FRZB: variants seen among roughly 807,000 people sequenced by gnomAD.
The protein encoded by FRZB is secreted frizzled-related protein 3.
In FRZB, 34 loss-of-function variants were observed where a neutral mutation model predicts 32.5. The ratio of observed to expected loss-of-function variants is 1.05; its 90% CI spans 0.80 to 1.39. FRZB has a LOEUF of 1.39. Ranked by LOEUF, FRZB falls within the 40% of genes most tolerant of loss-of-function variation. The probability of loss-of-function intolerance (pLI) is 0.00; values close to 1 mark genes in which losing one functional copy is unlikely to be tolerated. For synonymous variants in FRZB, 170 were observed against 159.2 expected (o/e 1.07, Z -0.51); for missense variants, 423 against 424.8 (o/e 1.00, Z 0.04).
intron 3 of FRZB, 105 bp from the exon 4 acceptor site, chr2:182,838,718 G>T: frequency 2.3e-6 from 2 of 876,616 alleles, no homozygotes; most frequent in Non-Finnish European, 1.8e-6. Context: ...TTATCCACTT[G>T]ATATTCAACG....
intron 2 of FRZB, among the ~76,000 whole-genome samples, chr2:182,853,032 C>A (rs1229247879): frequency 1.3e-5 from 2 of 151,412 alleles, no homozygotes; most frequent in African/African-American, 4.9e-5. Flanking sequence ...TCATGATCAA[C>A]CTCAGCTGTT....
intron 5 of FRZB, among the ~76,000 whole-genome samples, chr2:182,835,790 C>T (rs1574981044): frequency 6.6e-6 from 1 of 151,978 alleles, no homozygotes; most frequent in Non-Finnish European, 1.5e-5. Flanking sequence ...CTAACAAGCT[C>T]CCAGGTGATA....
intron 2 of FRZB, among the ~76,000 whole-genome samples, chr2:182,852,905 A>G (rs1695725625): frequency 6.6e-6 from 1 of 152,268 alleles, no homozygotes; most frequent in African/African-American, 2.4e-5. Context: ...CAAAGAATAT[A>G]TTAACTAGAG....
rs372975936 is a variant in FRZB at position 182,853,930 on chromosome 2, T to C, written c.526+4856A>G. Among the ~76,000 whole-genome samples the C allele has an allele frequency of 1.4e-3, 218 of 152,266 alleles. 1 individual carries two copies. The highest frequency in any genetic ancestry group is 2.7e-3 in the Non-Finnish European group (182 of 68,012). On this transcript the variant is annotated intron_variant, in intron 2 of 5. Transcript: ENST00000295113. Reference sequence around the variant, plus strand: ...AAACAACCCAAATATCCATGAACATTAGAATGAATAAAGTGTACCACATTC... The same window carrying C: ...AAACAACCCAAATATCCATGAACATCAGAATGAATAAAGTGTACCACATTC...
intron 1 of FRZB, among the ~76,000 whole-genome samples, chr2:182,859,856 T>C (rs1443938671): frequency 1.3e-5 from 2 of 152,214 alleles, no homozygotes; most frequent in Non-Finnish European, 2.9e-5. Flanking sequence ...ACACTAATTC[T>C]AAAACATTTG....
At chr2:182,856,840 G>C (rs549842792) in intron 2 of FRZB, among the ~76,000 whole-genome samples, 2 of 150,494 alleles carry the variant, frequency 1.3e-5, no homozygotes, top group Non-Finnish European at 3.0e-5. Flanking sequence ...ACTGAAAAAA[G>C]AAATAGAAAA....
At chr2:182,852,931 T>G (rs1332321787) in intron 2 of FRZB, among the ~76,000 whole-genome samples, 1 of 152,218 alleles carries the variant, frequency 6.6e-6, no homozygotes, top group Non-Finnish European at 1.5e-5. Flanking sequence ...GAATTTCTTT[T>G]CCAAATTCCA....
Position 182,834,938 on chromosome 2 carries a change from C to T in FRZB, c.889G>A (p.Gly297Arg). ...TTGCTAGAATCACTTTTACTGAGTC[C>T]AAGATGACGAAGCTTCATATCCCAG... The part of the protein sequence containing the change: ...KRWDMKLRHL[G>R]LSKSDSSNSD... Residue 297 changes from glycine (G) to arginine (R), a missense_variant, in exon 6 of 6, where the codon GGA becomes AGA. Coordinates refer to ENST00000295113, the MANE Select transcript of FRZB (RefSeq NM_001463.4). 1 of 1,612,986 alleles carries T rather than the reference C, an allele frequency of 6.2e-7. No individual in the cohort carries two copies. Among genetic ancestry groups the T allele is most frequent in the South Asian group, 1.1e-5 (1 of 91,038 alleles).
chr2:182,853,177 T>C (rs1287802866), intron 2 of FRZB, among the ~76,000 whole-genome samples: 1 of 152,226 alleles, frequency 6.6e-6, no homozygotes. Context: ...ACTCTCATTA[T>C]GCCAGAGAAC....
intron 2 of FRZB, among the ~76,000 whole-genome samples, chr2:182,855,084 C>T (rs568979131): frequency 5.9e-5 from 9 of 152,140 alleles, no homozygotes; most frequent in South Asian, 2.1e-4. Flanking sequence ...GAAGGTACTT[C>T]GAAGGCTTTG....
In FRZB at chr2:182,866,575, G is replaced by T; in HGVS notation, c.-23C>A. On this transcript the variant is annotated 5_prime_UTR_variant, in exon 1 of 6. Transcript: ENST00000295113. The surrounding 1 kb of genome is among the most constrained non-coding windows in gnomAD (Gnocchi z 4.5). ...CATGATCCCGGCAGGATGGGGCAGG[G>T]TGCAGCCGCGCAGTGGACGCCAAAA... The T allele has an allele frequency of 7.0e-7, 1 of 1,420,238 alleles. No homozygotes were observed. Among genetic ancestry groups the T allele is most frequent in the Non-Finnish European group, 9.2e-7 (1 of 1,086,396 alleles). The allele number at this position is 1,420,238 out of a possible 1,614,324, so 88.0% of individuals were successfully genotyped here.
intron 1 of FRZB, among the ~76,000 whole-genome samples, chr2:182,864,321 G>A (rs939552538): frequency 1.3e-5 from 2 of 152,138 alleles, no homozygotes; most frequent in South Asian, 2.1e-4. Flanking sequence ...ATGCATTTCA[G>A]CCTGAACCAC....
In FRZB at chr2:182,834,922, T is replaced by TC; in HGVS notation, c.904dup (p.Asp302GlyfsTer3). 6.2e-7 allele frequency: 1 copy of TC among 1,613,382 alleles called. No homozygotes were observed. Among genetic ancestry groups the TC allele is most frequent in the Admixed American group, 1.7e-5 (1 of 59,914 alleles). The stretch of plus-strand genomic sequence containing the variant: ...CTGAGTGGAATCACTATTGCTAGAA[T>TC]CACTTTTACTGAGTCCAAGATGACG... On this transcript the variant is annotated frameshift_variant, in exon 6 of 6. Transcript: ENST00000295113. LOFTEE classifies it high-confidence loss of function.
rs779554544 is a variant in FRZB, at chr2:182,838,395, A to C, written c.797+14T>G. ...AGCAAAGTAGTTATTCTGTATCCTT[A>C]AAGAGTGAATTACCTGGAACGTTCC... On this transcript the variant is annotated intron_variant, in intron 4 of 5. Coordinates refer to ENST00000295113, the MANE Select transcript of FRZB (RefSeq NM_001463.4). 3.4e-5 allele frequency: 54 copies of C among 1,592,958 alleles called. No individual in the cohort carries two copies. The South Asian group carries it at 5.5e-4, about 16-fold the overall frequency.
intron 3 of FRZB, among the ~76,000 whole-genome samples, chr2:182,840,789 A>G (rs561233761): frequency 2.0e-5 from 3 of 152,116 alleles, no homozygotes; most frequent in Admixed American, 6.6e-5. Context: ...TTATTATGAT[A>G]TTCATTCAGC....
chr2:182,853,324 T>C (rs549084276), intron 2 of FRZB, among the ~76,000 whole-genome samples: 4 of 152,334 alleles, frequency 2.6e-5, no homozygotes, highest in South Asian at 2.1e-4. Flanking sequence ...CTTTCATACA[T>C]TGAAGTGCTA....
chr2:182,848,988 G>C (rs1434725517), intron 2 of FRZB, among the ~76,000 whole-genome samples: 3 of 152,160 alleles, frequency 2.0e-5, no homozygotes, highest in Admixed American at 6.5e-5. Flanking sequence ...AGCACTTTGG[G>C]AGGCCGAGGC....
intron 2 of FRZB, among the ~76,000 whole-genome samples, chr2:182,851,658 A>C (rs1695711590): frequency 6.6e-6 from 1 of 152,172 alleles, no homozygotes; most frequent in South Asian, 2.1e-4. Context: ...TCCATCTCAA[A>C]AAAACAAAAC....
At chr2:182,847,677 T>C (rs1378311765) in intron 2 of FRZB, among the ~76,000 whole-genome samples, 2 of 152,190 alleles carry the variant, frequency 1.3e-5, no homozygotes, top group Non-Finnish European at 1.5e-5. Context: ...ACCTTCTCAT[T>C]GAAGAATGAA....
Sources: allele counts gnomAD v4.1 joint callset (sites outside exome capture counted in the v4.1 genomes callset), GRCh38; gene constraint gnomAD v4.1.1; non-coding constraint Gnocchi (gnomAD v3.1); transcripts MANE v1.5; gene names NCBI Gene and HGNC (gene_info 2026-07-23, HGNC 2026-07-21).